The following PRKCI variants were observed in gnomAD, a reference collection of about 807,000 sequenced individuals.
PRKCI encodes protein kinase C iota type.
A neutral mutation model predicts 84.0 loss-of-function variants in PRKCI; 43 were observed. That is an observed-to-expected ratio of 0.51 (90% CI 0.40 to 0.66). The LOEUF (loss-of-function observed/expected upper bound fraction) is 0.66, where lower values mean the gene tolerates loss of function less well. Ranked by LOEUF, PRKCI falls within the 30% of genes least tolerant of loss-of-function variation. PRKCI has a pLI of 0.00. For synonymous variants in PRKCI, 216 were observed against 234.4 expected, an observed-to-expected ratio of 0.92 and a Z score of 0.72; for missense variants, 459 against 745.6, an observed-to-expected ratio of 0.62 and a Z score of 4.48.
chr3:170,288,012 C>T (rs1399484386), intron 12 of PRKCI, among the ~76,000 whole-genome samples: 3 of 151,638 alleles, frequency 2.0e-5, no homozygotes, highest in Middle Eastern at 7.0e-3. Context: ...TTTGGGAGGC[C>T]GAGGCAGGCG....
chr3:170,255,482 C>T (rs1301442720), intron 2 of PRKCI, among the ~76,000 whole-genome samples: 1 of 152,084 alleles, frequency 6.6e-6, no homozygotes, highest in Non-Finnish European at 1.5e-5. Flanking sequence ...AGAAATGCTA[C>T]TGATTTTTGT....
At position 170,280,236 on chromosome 3, in the gene PRKCI, A is replaced by G. The variant is rs768734145; in HGVS notation, c.715A>G (p.Thr239Ala). 1.2e-6 allele frequency: 2 copies of G among 1,610,836 alleles called. No homozygotes were observed. The highest frequency in any genetic ancestry group is 1.7e-6 in the Non-Finnish European group (2 of 1,179,498). The change falls in exon 9 of 18, where the codon ACC becomes GCC. Residue 239 changes from threonine (T) to alanine (A), a missense_variant. Coordinates refer to ENST00000295797, the MANE Select transcript of PRKCI (RefSeq NM_002740.6). ...QVGEEKEAMN[T>A]RESGKASSSL... is the part of the protein sequence containing the mutation. ...CAAATGTTCTCAACAGGCAATGAACACCAGGGAAAGTGGCAAAGCTTCATC... is the reference window on the plus strand; with the variant it reads ...CAAATGTTCTCAACAGGCAATGAACGCCAGGGAAAGTGGCAAAGCTTCATC...
chr3:170,259,361 A>T (rs1449417160), intron 2 of PRKCI, among the ~76,000 whole-genome samples: 1 of 151,858 alleles, frequency 6.6e-6, no homozygotes, highest in African/African-American at 2.4e-5. Flanking sequence ...ACAGAGTGAG[A>T]CCCTGTCTCA....
At chr3:170,261,952 T>C (rs1194968152) in intron 3 of PRKCI, among the ~76,000 whole-genome samples, 1 of 152,222 alleles carries the variant, frequency 6.6e-6, no homozygotes, top group Non-Finnish European at 1.5e-5. Context: ...TATTAAACAG[T>C]CAGTTTTAAG....
In PRKCI at chr3:170,303,542, T is replaced by C. The variant is rs1269959256; in HGVS notation, c.*415T>C. The C allele has an allele frequency of 8.6e-6, 2 of 231,344 alleles. No homozygotes were observed. The highest frequency in any genetic ancestry group is 2.2e-5 in the African/African-American group (1 of 45,268). The allele number at this position is 231,344 out of a possible 1,614,324, so 14.3% of individuals were successfully genotyped here. A position where few individuals can be genotyped will look rare whatever the true frequency, so the allele number is the denominator to read the frequency against. On this transcript the variant is annotated 3_prime_UTR_variant, in exon 18 of 18. Coordinates refer to ENST00000295797, the MANE Select transcript of PRKCI (RefSeq NM_002740.6). ...AGGGTTTAATTTTGAAATAAAAGATTAATATAAAATGCAACAACTTTTTAT... is the reference window on the plus strand; with the variant it reads ...AGGGTTTAATTTTGAAATAAAAGATCAATATAAAATGCAACAACTTTTTAT...
chr3:170,296,007 A>G lies in PRKCI; in HGVS notation c.1497+17A>G. The G allele has an allele frequency of 7.1e-7, 1 of 1,414,784 alleles. No homozygotes were observed. Among genetic ancestry groups the G allele is most frequent in the Non-Finnish European group, 9.6e-7 (1 of 1,041,494 alleles). 87.6% of individuals were successfully genotyped at this position (1,414,784 alleles called of 1,614,324 possible). On this transcript the variant is annotated intron_variant, in intron 15 of 17. Coordinates refer to ENST00000295797, the MANE Select transcript of PRKCI (RefSeq NM_002740.6). ...CTTAATAAGGTATAAATTGTGTATA[A>G]GAATATTTTGTGATTTGTCTCTTTC...
chr3:170,239,037 T>C (rs931287012), intron 2 of PRKCI, among the ~76,000 whole-genome samples: 3 of 152,234 alleles, frequency 2.0e-5, no homozygotes, highest in Admixed American at 1.3e-4. Flanking sequence ...TCAAAACATA[T>C]GTATATCAAA....
chr3:170,253,570 T>C (rs1485025656), intron 2 of PRKCI, among the ~76,000 whole-genome samples: 1 of 152,046 alleles, frequency 6.6e-6, no homozygotes, highest in Non-Finnish European at 1.5e-5. Context: ...GGTGGGCAGA[T>C]CTTGAGGTCA....
intron 17 of PRKCI, among the ~76,000 whole-genome samples, chr3:170,299,356 T>C (rs1219155051): frequency 1.3e-5 from 2 of 152,136 alleles, no homozygotes; most frequent in Admixed American, 1.3e-4. Context: ...ATACCCTGAG[T>C]AGCTGGTACT....
At chr3:170,223,384 G>A (rs1462359727) in intron 1 of PRKCI, among the ~76,000 whole-genome samples, 2 of 152,188 alleles carry the variant, frequency 1.3e-5, no homozygotes, top group African/African-American at 4.8e-5. Context: ...TAAGTTGCAT[G>A]TGTGTAAATC....
intron 1 of PRKCI, among the ~76,000 whole-genome samples, chr3:170,232,143 C>G (rs191322386): frequency 6.0e-5 from 9 of 150,172 alleles, no homozygotes; most frequent in Non-Finnish European, 1.3e-4. Context: ...CTTAACTGCC[C>G]AGGCTCACGC....
intron 1 of PRKCI, among the ~76,000 whole-genome samples, chr3:170,233,964 G>T (rs956952619): frequency 1.3e-5 from 2 of 148,974 alleles, no homozygotes; most frequent in Non-Finnish European, 3.0e-5. Context: ...CTAGTGATCC[G>T]CCCACCTCAG....
intron 2 of PRKCI, among the ~76,000 whole-genome samples, chr3:170,243,703 T>A (rs1286956108): frequency 6.6e-6 from 1 of 152,220 alleles, no homozygotes; most frequent in Non-Finnish European, 1.5e-5. Flanking sequence ...TTGATTCCTT[T>A]TAAAAACTGT....
chr3:170,270,235 T>C (rs1444631407), intron 5 of PRKCI, among the ~76,000 whole-genome samples, 186 bp from the exon 6 acceptor site: 1 of 152,250 alleles, frequency 6.6e-6, no homozygotes, highest in East Asian at 1.9e-4. Context: ...AAATAAGCTC[T>C]GTTTTTCGCT....
At chr3:170,261,152 A>G (rs1221122890) in intron 3 of PRKCI, among the ~76,000 whole-genome samples, 1 of 142,708 alleles carries the variant, frequency 7.0e-6, no homozygotes, top group Non-Finnish European at 1.5e-5. Flanking sequence ...TTTTGTATAG[A>G]TCGGATATCA....
At position 170,263,438 on chromosome 3, in the gene PRKCI, T is replaced by G. The variant is rs201310049; in HGVS notation, c.364+9T>G. The G allele has an allele frequency of 2.0e-5, 31 of 1,573,544 alleles. No individual in the cohort carries two copies. Among genetic ancestry groups the G allele is most frequent in the Non-Finnish European group, 2.4e-5 (28 of 1,143,620 alleles). ...TTGTCCAGGAGAAGATAGTGAGTGT[T>G]TATATACTTCATACCTTTTACAAGA... On this transcript the variant is annotated intron_variant, in intron 4 of 17. Transcript: ENST00000295797.
At chr3:170,235,496 T>A in intron 2 of PRKCI, 145 bp downstream of exon 2, 2 of 874,236 alleles carry the variant, frequency 2.3e-6, no homozygotes, top group Non-Finnish European at 3.4e-6. Context: ...TTTAAGTATT[T>A]AAAAGAATAC....
intron 3 of PRKCI, among the ~76,000 whole-genome samples, chr3:170,262,014 G>GT (rs1733739166): frequency 6.6e-6 from 1 of 152,076 alleles, no homozygotes; most frequent in Admixed American, 6.5e-5. Context: ...GCTAGCTTAC[G>GT]TTTCAGCTTT....
intron 12 of PRKCI, among the ~76,000 whole-genome samples, chr3:170,286,485 C>CTTTTTTTTT (rs34674664): frequency 1.1e-4 from 7 of 65,590 alleles, no homozygotes; most frequent in East Asian, 5.4e-4. Flanking sequence ...AACAATGAGG[C>CTTTTTTTTT]TTTTTTTTTT....
Sources: allele counts gnomAD v4.1 joint callset (sites outside exome capture counted in the v4.1 genomes callset), GRCh38; gene constraint gnomAD v4.1.1; transcripts MANE v1.5; gene names NCBI Gene and HGNC (gene_info 2026-07-23, HGNC 2026-07-21).